The following EXOC6B variants were observed in gnomAD, a reference collection of about 807,000 sequenced individuals.
The protein encoded by EXOC6B is exocyst complex component 6B.
EXOC6B carries 54 observed loss-of-function variants against 113.5 expected under a neutral mutation model. That is an observed-to-expected ratio of 0.48 (90% CI 0.38 to 0.60). The LOEUF (loss-of-function observed/expected upper bound fraction) is 0.60. Ranked by LOEUF, EXOC6B falls within the 20% of genes least tolerant of loss-of-function variation. The probability of loss-of-function intolerance (pLI) is 0.00; values close to 1 mark genes in which losing one functional copy is unlikely to be tolerated. For missense variants in EXOC6B, 797 were observed against 977.5 expected, an observed-to-expected ratio of 0.82 and a Z score of 2.46; for synonymous variants, 357 against 339.0, an observed-to-expected ratio of 1.05 and a Z score of -0.58.
chr2:72,400,677 A>G (rs538303134), intron 18 of EXOC6B, among the ~76,000 whole-genome samples: 6 of 151,906 alleles, frequency 3.9e-5, no homozygotes, highest in Non-Finnish European at 8.8e-5. Flanking sequence ...AGCCAAAAAA[A>G]AAAAAGAAAA....
chr2:72,761,381 T>C (rs1682733542), intron 1 of EXOC6B, among the ~76,000 whole-genome samples: 2 of 152,172 alleles, frequency 1.3e-5, no homozygotes, highest in African/African-American at 2.4e-5. Flanking sequence ...AGAAACAAAG[T>C]TGCTTGCCAA....
intron 8 of EXOC6B, among the ~76,000 whole-genome samples, chr2:72,539,250 T>C (rs1702462515): frequency 6.6e-6 from 1 of 152,186 alleles, no homozygotes; most frequent in African/African-American, 2.4e-5. Flanking sequence ...TGCCCTGTTA[T>C]TTCTACTCCC....
intron 20 of EXOC6B, among the ~76,000 whole-genome samples, chr2:72,286,477 G>A (rs992107460): frequency 9.9e-5 from 15 of 152,126 alleles, no homozygotes; most frequent in African/African-American, 3.1e-4. Flanking sequence ...AAGATCAGTG[G>A]CTGCCAGGGG....
At chr2:72,753,899 T>C (rs1682224849) in intron 1 of EXOC6B, among the ~76,000 whole-genome samples, 2 of 152,168 alleles carry the variant, frequency 1.3e-5, no homozygotes, top group African/African-American at 2.4e-5. Context: ...ATACAACTAC[T>C]ATAACCTGAT....
chr2:72,820,380 GT>G (rs905377650), intron 1 of EXOC6B, among the ~76,000 whole-genome samples: 1 of 152,086 alleles, frequency 6.6e-6, no homozygotes, highest in African/African-American at 2.4e-5. Flanking sequence ...TGTTTTAACA[GT>G]GAAAAAGGTA....
At chr2:72,212,234 G>T (rs1680241240) in intron 20 of EXOC6B, among the ~76,000 whole-genome samples, 1 of 152,160 alleles carries the variant, frequency 6.6e-6, no homozygotes, top group African/African-American at 2.4e-5. Flanking sequence ...TTTTCAAAGG[G>T]TGTAATGGTA....
At chr2:72,804,529 T>C (rs1685472195) in intron 1 of EXOC6B, among the ~76,000 whole-genome samples, 1 of 152,200 alleles carries the variant, frequency 6.6e-6, no homozygotes. Flanking sequence ...CTCATATTTC[T>C]ACTCAAGTAT....
intron 1 of EXOC6B, among the ~76,000 whole-genome samples, chr2:72,815,229 G>A (rs1337489960): frequency 3.3e-5 from 5 of 152,078 alleles, no homozygotes. Context: ...GGTGGCTCCC[G>A]CCTGTAATCC....
chr2:72,372,641 C>G (rs535479198), intron 19 of EXOC6B, among the ~76,000 whole-genome samples: 103 of 152,104 alleles, frequency 6.8e-4, no homozygotes, highest in African/African-American at 2.4e-3. Flanking sequence ...GTCAGGAGAT[C>G]GAGACCATCC....
At chr2:72,676,139 A>AG (rs1450821195) in intron 6 of EXOC6B, among the ~76,000 whole-genome samples, 6 of 151,810 alleles carry the variant, frequency 4.0e-5, no homozygotes, top group Non-Finnish European at 7.4e-5. Context: ...AAAAAAAAAA[A>AG]AAGAAGAAGA....
At chr2:72,743,464 A>G (rs1194107229) in intron 1 of EXOC6B, among the ~76,000 whole-genome samples, 6 of 152,054 alleles carry the variant, frequency 3.9e-5, no homozygotes, top group Non-Finnish European at 7.4e-5. Context: ...GGCTTTTTTT[A>G]AAGCCTCTTC....
intron 6 of EXOC6B, among the ~76,000 whole-genome samples, chr2:72,620,559 A>G (rs1250965042): frequency 2.0e-5 from 3 of 150,224 alleles, no homozygotes; most frequent in Non-Finnish European, 4.4e-5. Context: ...ATGCTACAAG[A>G]AAACCTAGTT....
At chr2:72,780,944 T>G (rs1306003670) in intron 1 of EXOC6B, among the ~76,000 whole-genome samples, 2 of 152,146 alleles carry the variant, frequency 1.3e-5, no homozygotes, top group African/African-American at 4.8e-5. Flanking sequence ...AACTTTTAAA[T>G]TGGGTTTTCA....
chr2:72,280,136 A>T (rs1685045496), intron 20 of EXOC6B, among the ~76,000 whole-genome samples: 1 of 152,052 alleles, frequency 6.6e-6, no homozygotes, highest in Admixed American at 6.6e-5. Context: ...TCTGGTCTTC[A>T]TTAATTTTTT....
At chr2:72,242,523 T>C (rs920362748) in intron 20 of EXOC6B, among the ~76,000 whole-genome samples, 23 of 152,138 alleles carry the variant, frequency 1.5e-4, no homozygotes, top group African/African-American at 5.5e-4. Context: ...TATTGAAATG[T>C]TCAATTAAAA....
intron 11 of EXOC6B, among the ~76,000 whole-genome samples, chr2:72,505,188 C>A (rs1025102439): frequency 3.3e-5 from 5 of 152,090 alleles, no homozygotes; most frequent in African/African-American, 1.2e-4. Flanking sequence ...AGATATTTCT[C>A]ATATTATCTT....
intron 6 of EXOC6B, among the ~76,000 whole-genome samples, chr2:72,673,239 A>G (rs1676034717): frequency 6.6e-6 from 1 of 152,202 alleles, no homozygotes; most frequent in African/African-American, 2.4e-5. Context: ...AGAATCAGCT[A>G]ATAAAGGATA....
intron 18 of EXOC6B, among the ~76,000 whole-genome samples, chr2:72,422,003 C>T (rs1694905540): frequency 1.3e-5 from 2 of 152,346 alleles, no homozygotes; most frequent in African/African-American, 2.4e-5. Flanking sequence ...CTGGGTCCCC[C>T]AGCAGTGCCA....
At chr2:72,588,330 A>G (rs189396828) in intron 6 of EXOC6B, among the ~76,000 whole-genome samples, 3 of 152,222 alleles carry the variant, frequency 2.0e-5, no homozygotes, top group Admixed American at 6.5e-5. Context: ...TATACATACA[A>G]TGAAATATTA....
Sources: gnomAD v4.1 joint callset for allele counts (sites outside exome capture counted in the v4.1 genomes callset) on GRCh38, gnomAD v4.1.1 for gene constraint, MANE v1.5 for transcripts, NCBI Gene and HGNC (gene_info 2026-07-23, HGNC 2026-07-21) for gene names.